The following EYS variants were observed in gnomAD, a reference collection of about 807,000 sequenced individuals.
EYS encodes the protein EGF-like photoreceptor maintenance factor.
A neutral mutation model predicts 282.1 loss-of-function variants in EYS; 250 were observed. The ratio of observed to expected loss-of-function variants is 0.89; its 90% CI spans 0.80 to 0.98. The LOEUF (loss-of-function observed/expected upper bound fraction) is 0.98. EYS is among the 50% of genes least tolerant of loss of function. EYS has a pLI of 0.00. For synonymous variants in EYS, 1,355 were observed against 1,282.9 expected, an observed-to-expected ratio of 1.06 and a Z score of -1.20; for missense variants, 4,016 against 3,709.0, an observed-to-expected ratio of 1.08 and a Z score of -2.15.
intron 14 of EYS, among the ~76,000 whole-genome samples, chr6:64,959,501 A>T (rs1769840743): frequency 6.6e-6 from 1 of 152,174 alleles, no homozygotes; most frequent in South Asian, 2.1e-4. Flanking sequence ...CACTCATGAT[A>T]TTGACTTAAT....
At chr6:64,258,843 A>C (rs1427830014) in intron 30 of EYS, among the ~76,000 whole-genome samples, 1 of 152,068 alleles carries the variant, frequency 6.6e-6, no homozygotes, top group Non-Finnish European at 1.5e-5. Flanking sequence ...TTCAACACCC[A>C]AAATGCTGAC....
chr6:64,026,487 TTC>T (rs1276769931), intron 33 of EYS, among the ~76,000 whole-genome samples: 8 of 152,138 alleles, frequency 5.3e-5, no homozygotes, highest in Non-Finnish European at 8.8e-5. Flanking sequence ...GGCCCCAATA[TTC>T]TCTCTCTGAT....
intron 11 of EYS, among the ~76,000 whole-genome samples, chr6:65,301,881 A>G (rs1768846728): frequency 6.6e-6 from 1 of 152,236 alleles, no homozygotes; most frequent in South Asian, 2.1e-4. Context: ...CTGTGGAACT[A>G]GAGATAGTGA....
At chr6:65,201,255 A>C (rs1190075293) in intron 12 of EYS, among the ~76,000 whole-genome samples, 3 of 152,188 alleles carry the variant, frequency 2.0e-5, no homozygotes, top group African/African-American at 4.8e-5. Context: ...ATAACATTTA[A>C]ATTTAAAAGC....
chr6:64,802,017 C>CTTTTTTTTT lies in EYS; in HGVS notation c.3443+11360_3443+11361insAAAAAAAAA, dbSNP rs1157712956. On this transcript the variant is annotated intron_variant, in intron 22 of 42. Transcript: ENST00000503581. ...GTTATAAGAGAGTTATAACAAATTT[C>CTTTTTTTTT]TTTTTCTTTTTTTTTCTTTTTTTTT... Among the ~76,000 whole-genome samples, 49 of 57,634 alleles carry CTTTTTTTTT rather than the reference C, an allele frequency of 8.5e-4. 3 individuals are homozygous for CTTTTTTTTT. Among genetic ancestry groups the CTTTTTTTTT allele is most frequent in the Non-Finnish European group, 1.4e-3 (39 of 27,590 alleles). 37.8% of individuals were successfully genotyped at this position (57,634 alleles called of 152,430 possible).
chr6:65,637,992 G>A (rs114376809), intron 2 of EYS, among the ~76,000 whole-genome samples: 4 of 152,312 alleles, frequency 2.6e-5, no homozygotes, highest in Admixed American at 6.5e-5. Flanking sequence ...CCTGAAGCCT[G>A]GGGGCCGGGT....
At chr6:64,389,102 A>T (rs867408609) in intron 28 of EYS, among the ~76,000 whole-genome samples, 2 of 152,290 alleles carry the variant, frequency 1.3e-5, no homozygotes, top group Middle Eastern at 6.8e-3. Context: ...GATCTTTCTC[A>T]ATTGTAACTG....
chr6:64,412,192 T>C (rs1773924124), intron 28 of EYS, among the ~76,000 whole-genome samples: 1 of 152,028 alleles, frequency 6.6e-6, no homozygotes, highest in Admixed American at 6.6e-5. Flanking sequence ...ATACATAATT[T>C]TCTAATATCC....
intron 31 of EYS, among the ~76,000 whole-genome samples, chr6:64,138,787 T>G (rs572756879): frequency 6.6e-6 from 1 of 152,166 alleles, no homozygotes; most frequent in Non-Finnish European, 1.5e-5. Flanking sequence ...AAATGAGAGG[T>G]TGACTGCTTC....
chr6:65,573,552 G>T (rs565117189), intron 2 of EYS, among the ~76,000 whole-genome samples: 1 of 152,264 alleles, frequency 6.6e-6, no homozygotes, highest in African/African-American at 2.4e-5. Context: ...ACAGATACAT[G>T]CATATGTTCA....
intron 26 of EYS, among the ~76,000 whole-genome samples, chr6:64,505,776 A>T (rs941787284): frequency 6.6e-6 from 1 of 152,206 alleles, no homozygotes; most frequent in African/African-American, 2.4e-5. Flanking sequence ...TCTATGGACA[A>T]TTCAGTCTGC....
At chr6:65,144,688 A>ATT (rs527264227) in intron 12 of EYS, among the ~76,000 whole-genome samples, 108 of 152,042 alleles carry the variant, frequency 7.1e-4, no homozygotes, top group African/African-American at 2.6e-3. Context: ...ATTAGAATAA[A>ATT]TTTTTTTAAA....
chr6:65,372,660 G>A (rs1158828486), intron 8 of EYS, among the ~76,000 whole-genome samples: 1 of 151,852 alleles, frequency 6.6e-6, no homozygotes, highest in Non-Finnish European at 1.5e-5. Flanking sequence ...TATCATTGAG[G>A]CCATTTATAT....
At chr6:65,131,418 A>T (rs7745619) in intron 12 of EYS, among the ~76,000 whole-genome samples, 11,351 of 151,736 alleles carry the variant, frequency 0.075, 912 homozygotes, top group African/African-American at 0.2. Flanking sequence ...AGTCAAGATT[A>T]TAAAAAAATC....
chr6:65,143,524 A>G (rs972648645), intron 12 of EYS, among the ~76,000 whole-genome samples: 1 of 152,112 alleles, frequency 6.6e-6, no homozygotes, highest in African/African-American at 2.4e-5. Context: ...GGAAATTAAA[A>G]CACACTGTTG....
intron 33 of EYS, among the ~76,000 whole-genome samples, chr6:64,019,886 A>G (rs1769104026): frequency 6.9e-6 from 1 of 144,766 alleles, no homozygotes; most frequent in East Asian, 2.1e-4. Context: ...ATATAAGTGT[A>G]TATAAGTGGA....
At chr6:64,645,107 A>AAT (rs1768302386) in intron 22 of EYS, among the ~76,000 whole-genome samples, 1 of 152,204 alleles carries the variant, frequency 6.6e-6, no homozygotes, top group Admixed American at 6.5e-5. Context: ...TGGAAAACTA[A>AAT]ATACTGTTTA....
At chr6:64,350,294 A>G (rs891626170) in intron 29 of EYS, among the ~76,000 whole-genome samples, 1 of 151,210 alleles carries the variant, frequency 6.6e-6, no homozygotes, top group South Asian at 2.1e-4. Flanking sequence ...AAAAAGGTAA[A>G]GACTTTAAGA....
intron 33 of EYS, among the ~76,000 whole-genome samples, chr6:64,025,508 T>G (rs1405000590): frequency 6.6e-6 from 1 of 152,198 alleles, no homozygotes; most frequent in Non-Finnish European, 1.5e-5. Context: ...CTTCTAAAAA[T>G]TGCTACCTGT....
Sources: gnomAD v4.1 joint callset for allele counts (sites outside exome capture counted in the v4.1 genomes callset) on GRCh38, gnomAD v4.1.1 for gene constraint, MANE v1.5 for transcripts, NCBI Gene and HGNC (gene_info 2026-07-23, HGNC 2026-07-21) for gene names.